TRERF1: variants seen among roughly 807,000 people sequenced by gnomAD.
TRERF1 encodes the protein transcriptional regulating factor 1, also known as transcriptional-regulating factor 1.
Under a neutral mutation model 122.9 loss-of-function variants are expected in TRERF1, and 27 were observed. The observed-to-expected ratio is 0.22, with a 90% CI of 0.16 to 0.30. The LOEUF (loss-of-function observed/expected upper bound fraction) is 0.30, where lower values mean the gene tolerates loss of function less well. Among genes scored for constraint, TRERF1 ranks in the 10% least tolerant of loss-of-function variants. The probability of loss-of-function intolerance (pLI) is 1.00; values close to 1 mark genes in which losing one functional copy is unlikely to be tolerated. For synonymous variants in TRERF1, 636 were observed against 641.7 expected (o/e 0.99, Z 0.13); for missense variants, 1,248 against 1,560.3 (o/e 0.80, Z 3.37).
At chr6:42,354,210 A>G (rs1770072672) in intron 3 of TRERF1, among the ~76,000 whole-genome samples, 1 of 152,112 alleles carries the variant, frequency 6.6e-6, no homozygotes, top group South Asian at 2.1e-4. Flanking sequence ...GAGAGGGCAT[A>G]TTTCTTATTA....
chr6:42,250,946 GTCTT>G (rs1490769401), intron 13 of TRERF1, among the ~76,000 whole-genome samples: 5 of 145,912 alleles, frequency 3.4e-5, no homozygotes, highest in Admixed American at 6.8e-5. Flanking sequence ...GGGCCTTTCT[GTCTT>G]TCTTAAAACT....
chr6:42,441,663 TAA>T (rs1000787199), intron 2 of TRERF1, among the ~76,000 whole-genome samples: 2 of 142,644 alleles, frequency 1.4e-5, no homozygotes. Flanking sequence ...ACCAGAGGTT[TAA>T]AAAAAAAAAA....
chr6:42,324,374 A>G (rs1763935635), intron 3 of TRERF1, among the ~76,000 whole-genome samples: 1 of 152,204 alleles, frequency 6.6e-6, no homozygotes, highest in South Asian at 2.1e-4. Context: ...AATGGCCAAC[A>G]TCATTTTTCA....
In TRERF1 at chr6:42,276,411, C is replaced by A. The variant is rs1781157305; in HGVS notation, c.-258-6563G>T. 6.6e-6 allele frequency among the ~76,000 whole-genome samples: 1 copy of A among 152,210 alleles called. No individual in the cohort carries two copies. The highest frequency in any genetic ancestry group is 1.5e-5 in the Non-Finnish European group (1 of 68,040). On this transcript the variant is annotated intron_variant, in intron 4 of 17. Transcript: ENST00000372922. The surrounding 1 kb of genome is among the most constrained non-coding windows in gnomAD (Gnocchi z 4.3). ...GGCAGTCAGTTAGAGACTGTATACA[C>A]AATTCTCCAAATGCCTTGGCTTGTG...
chr6:42,402,296 T>A (rs1779499820), intron 2 of TRERF1, among the ~76,000 whole-genome samples: 1 of 152,244 alleles, frequency 6.6e-6, no homozygotes, highest in Non-Finnish European at 1.5e-5. Flanking sequence ...CTGGCATGCA[T>A]CTGCCGGGCA....
At chr6:42,422,336 A>T (rs1031934638) in intron 2 of TRERF1, among the ~76,000 whole-genome samples, 1 of 152,004 alleles carries the variant, frequency 6.6e-6, no homozygotes, top group African/African-American at 2.4e-5. Context: ...CCTGGCCAAC[A>T]TGACAAAACC....
intron 13 of TRERF1, among the ~76,000 whole-genome samples, chr6:42,253,747 G>C (rs959274185): frequency 2.6e-5 from 4 of 152,212 alleles, no homozygotes; most frequent in South Asian, 2.1e-4. Context: ...TCATGAAAGA[G>C]GAGGAGCACA....
intron 2 of TRERF1, among the ~76,000 whole-genome samples, chr6:42,401,827 C>A (rs1582016083): frequency 6.6e-6 from 1 of 152,306 alleles, no homozygotes; most frequent in East Asian, 1.9e-4. Context: ...GCCCTGTGTA[C>A]CACTGGAGAC....
chr6:42,370,569 G>A (rs1773586301), intron 2 of TRERF1, among the ~76,000 whole-genome samples: 1 of 152,190 alleles, frequency 6.6e-6, no homozygotes, highest in Admixed American at 6.5e-5. Flanking sequence ...GGCATTATCT[G>A]ATGTCCGAAA....
In TRERF1 at chr6:42,268,598, GGGT is replaced by G. The variant is rs1290690515; in HGVS notation, c.990_992del (p.Gln330_Pro331delinsHis). On this transcript the variant is annotated inframe_deletion, in exon 5 of 18. Transcript: ENST00000372922. This position sits in a 1 kb window ranked among gnomAD's most constrained non-coding sequence, Gnocchi z 4.4. ...GCTGCTCTTGCAAGTGCTGCATCAT[GGGT>G]TGGGGCTGATAATACTGAGGTATCT... 7.4e-6 allele frequency: 12 copies of G among 1,613,958 alleles called. No individual in the cohort carries two copies. In the East Asian group the frequency reaches 1.8e-4, roughly 24 times the overall value.
chr6:42,398,814 T>C (rs904183511), intron 2 of TRERF1, among the ~76,000 whole-genome samples: 3 of 152,248 alleles, frequency 2.0e-5, no homozygotes, highest in Admixed American at 2.0e-4. Context: ...AAAGCAATTC[T>C]GTAGTGAGAG....
rs868233335 is a variant in TRERF1, at chr6:42,303,701, C to G, written c.-370-2952G>C. Among the ~76,000 whole-genome samples the G allele has an allele frequency of 1.6e-4, 24 of 151,972 alleles. No homozygotes were observed. In the Middle Eastern group the frequency reaches 0.01, roughly 65 times the overall value. On this transcript the variant is annotated intron_variant, in intron 3 of 17. Transcript: ENST00000372922. Reference sequence around the variant, plus strand: ...GGCAGAGGTGGGTGGATCGCTTGAGCCCAGGAGTTTGAGACAAAACCTGGG... The same window carrying G: ...GGCAGAGGTGGGTGGATCGCTTGAGGCCAGGAGTTTGAGACAAAACCTGGG...
intron 14 of TRERF1, among the ~76,000 whole-genome samples, chr6:42,243,741 C>T (rs372660889): frequency 4.0e-4 from 60 of 150,942 alleles, no homozygotes; most frequent in Middle Eastern, 3.5e-3. Flanking sequence ...CCACCATGCC[C>T]GGCTAATTTT....
At chr6:42,254,600 T>C (rs1776387252) in intron 13 of TRERF1, among the ~76,000 whole-genome samples, 1 of 152,146 alleles carries the variant, frequency 6.6e-6, no homozygotes. Flanking sequence ...ACTCGTCTCC[T>C]TGCCACACGT....
At chr6:42,254,033 T>C (rs1049355981) in intron 13 of TRERF1, among the ~76,000 whole-genome samples, 1 of 152,254 alleles carries the variant, frequency 6.6e-6, no homozygotes, top group African/African-American at 2.4e-5. Context: ...AATGAAAATG[T>C]TGACCTCAGT....
intron 4 of TRERF1, among the ~76,000 whole-genome samples, chr6:42,288,227 G>C (rs1379211044): frequency 1.3e-5 from 2 of 152,016 alleles, no homozygotes; most frequent in Admixed American, 1.3e-4. Context: ...GTGTGTGCAT[G>C]TCAGCCAGAG....
rs533922931 is a variant in TRERF1, at chr6:42,234,207, T to C, written c.3067-1315A>G. On this transcript the variant is annotated intron_variant, in intron 16 of 17. Coordinates refer to ENST00000372922, the Ensembl canonical transcript of TRERF1. ...ACCGCTATAAAGGGGTGTAAATCCA[T>C]ATCCCTGAATCCAATGAGTCCTGGC... Among the ~76,000 whole-genome samples, 4 of 152,320 alleles carry C rather than the reference T, an allele frequency of 2.6e-5. No homozygotes were observed. In the South Asian group the frequency reaches 8.3e-4, roughly 32 times the overall value.
At chr6:42,413,418 C>A (rs1301829304) in intron 2 of TRERF1, among the ~76,000 whole-genome samples, 2 of 147,532 alleles carry the variant, frequency 1.4e-5, no homozygotes, top group Admixed American at 1.4e-4. Flanking sequence ...CTTACTGGAT[C>A]AGAATCTGCA....
intron 2 of TRERF1, among the ~76,000 whole-genome samples, chr6:42,443,808 A>G (rs2151798466): frequency 6.6e-6 from 1 of 152,324 alleles, no homozygotes; most frequent in African/African-American, 2.4e-5. Context: ...GGGAGTGGAC[A>G]AGGGAAATGT....
Sources: allele counts gnomAD v4.1 joint callset (sites outside exome capture counted in the v4.1 genomes callset), GRCh38; gene constraint gnomAD v4.1.1; non-coding constraint Gnocchi (gnomAD v3.1); transcripts MANE v1.5; gene names NCBI Gene and HGNC (gene_info 2026-07-23, HGNC 2026-07-21).